Variants in FBXO11 observed in about 807,000 individuals in gnomAD.
FBXO11 encodes F-box protein 11.
In FBXO11, 13 loss-of-function variants were observed where a neutral mutation model predicts 117.0. The observed-to-expected ratio is 0.11, with a 90% confidence interval of 0.07 to 0.18. The LOEUF (loss-of-function observed/expected upper bound fraction) is 0.18, where lower values mean the gene tolerates loss of function less well. Ranked by LOEUF, FBXO11 falls within the 10% of genes least tolerant of loss-of-function variation. The pLI, the probability that FBXO11 is intolerant of heterozygous loss-of-function variation, is 1.00. For missense variants in FBXO11, 767 were observed against 1,164.4 expected (o/e 0.66, Z 4.97); for synonymous variants, 490 against 380.5 (o/e 1.29, Z -3.35).
intron 19 of FBXO11, 99 bp downstream of exon 19, chr2:47,810,217 G>T: frequency 2.7e-6 from 2 of 743,084 alleles, no homozygotes; most frequent in Non-Finnish European, 4.2e-6. Context: ...AGCACACTTT[G>T]CACATTTTAG....
intron 1 of FBXO11, among the ~76,000 whole-genome samples, chr2:47,870,269 T>C (rs1558459678): frequency 6.6e-6 from 1 of 152,218 alleles, no homozygotes. Context: ...TCTTAAGTTT[T>C]CTGCTCTGTA....
chr2:47,902,349 G>A (rs758378467), intron 1 of FBXO11, among the ~76,000 whole-genome samples: 1 of 152,170 alleles, frequency 6.6e-6, no homozygotes, highest in Non-Finnish European at 1.5e-5. Flanking sequence ...TTCAGCTAAC[G>A]AGTGAACACA....
intron 11 of FBXO11, among the ~76,000 whole-genome samples, chr2:47,826,385 A>T (rs1162003836): frequency 6.6e-6 from 1 of 152,146 alleles, no homozygotes; most frequent in African/African-American, 2.4e-5. Context: ...GGCAAATAGC[A>T]GCCCTCTCCC....
At chr2:47,841,702 G>A (rs991824785) in intron 1 of FBXO11, among the ~76,000 whole-genome samples, 5 of 152,012 alleles carry the variant, frequency 3.3e-5, no homozygotes, top group African/African-American at 1.2e-4. Context: ...GTGCAGTGGC[G>A]TGATCTCAGC....
intron 14 of FBXO11, among the ~76,000 whole-genome samples, chr2:47,819,510 G>A (rs1044126820): frequency 6.6e-5 from 10 of 152,064 alleles, no homozygotes; most frequent in African/African-American, 9.7e-5. Context: ...CACCGCGCCC[G>A]GCCAACATTC....
chr2:47,871,323 T>C (rs752381601), intron 1 of FBXO11, among the ~76,000 whole-genome samples: 4 of 152,202 alleles, frequency 2.6e-5, no homozygotes, highest in Non-Finnish European at 5.9e-5. Flanking sequence ...CTGAAGCCTC[T>C]TGCCAACAGC....
At chr2:47,834,026 T>G (rs997908748) in intron 7 of FBXO11, among the ~76,000 whole-genome samples, 17 of 152,266 alleles carry the variant, frequency 1.1e-4, no homozygotes, top group African/African-American at 4.1e-4. Flanking sequence ...AATGAATAAC[T>G]CAAGGCAAAT....
At chr2:47,834,280 G>A (rs1169021415) in intron 7 of FBXO11, among the ~76,000 whole-genome samples, 3 of 152,036 alleles carry the variant, frequency 2.0e-5, no homozygotes, top group Non-Finnish European at 4.4e-5. Context: ...AACCCAGGAG[G>A]CAGAGGTTAC....
At chr2:47,856,589 C>G (rs1674313202) in intron 1 of FBXO11, among the ~76,000 whole-genome samples, 1 of 152,186 alleles carries the variant, frequency 6.6e-6, no homozygotes, top group South Asian at 2.1e-4. Context: ...TCCATCAAAA[C>G]AGCTAGAAAT....
chr2:47,813,207 T>C, intron 18 of FBXO11, 27 bp downstream of exon 18: 1 of 1,607,778 alleles, frequency 6.2e-7, no homozygotes, highest in South Asian at 1.1e-5. Context: ...ACTGGATTTT[T>C]CACTAATGCA....
intron 1 of FBXO11, among the ~76,000 whole-genome samples, chr2:47,846,804 C>A (rs1673450849): frequency 6.6e-6 from 1 of 152,064 alleles, no homozygotes; most frequent in African/African-American, 2.4e-5. Flanking sequence ...CATACTAAAT[C>A]TTTGAAAATA....
At chr2:47,887,451 G>C (rs549019572) in intron 1 of FBXO11, among the ~76,000 whole-genome samples, 1 of 151,992 alleles carries the variant, frequency 6.6e-6, no homozygotes, top group South Asian at 2.1e-4. Flanking sequence ...TCTATGTCCC[G>C]TGCCAGTGGC....
chr2:47,858,382 A>C (rs1281188640), intron 1 of FBXO11, among the ~76,000 whole-genome samples: 2 of 151,886 alleles, frequency 1.3e-5, no homozygotes, highest in Admixed American at 6.6e-5. Flanking sequence ...ATGAGTACTT[A>C]ATGAAAAACA....
chr2:47,890,782 C>T (rs942290597), intron 1 of FBXO11, among the ~76,000 whole-genome samples: 5 of 150,922 alleles, frequency 3.3e-5, no homozygotes, highest in Admixed American at 1.3e-4. Flanking sequence ...CCAGTCTGGG[C>T]GACAGAGCGA....
At chr2:47,860,598 G>A (rs926087750) in intron 1 of FBXO11, among the ~76,000 whole-genome samples, 1 of 151,526 alleles carries the variant, frequency 6.6e-6, no homozygotes. Flanking sequence ...GTAGAGACAG[G>A]GTTTCACTGT....
At chr2:47,860,846 T>G (rs1256423925) in intron 1 of FBXO11, among the ~76,000 whole-genome samples, 1 of 125,436 alleles carries the variant, frequency 8.0e-6, no homozygotes, top group Admixed American at 7.5e-5. Flanking sequence ...TTCCCCTATT[T>G]TTTTTTTTTT....
chr2:47,894,051 C>T (rs899281408), intron 1 of FBXO11, among the ~76,000 whole-genome samples: 1 of 152,162 alleles, frequency 6.6e-6, no homozygotes, highest in African/African-American at 2.4e-5. Context: ...TCATCAATTT[C>T]AATCAAGTAG....
At chr2:47,828,770 G>A (rs1052908679) in intron 11 of FBXO11, among the ~76,000 whole-genome samples, 1 of 152,162 alleles carries the variant, frequency 6.6e-6, no homozygotes, top group Non-Finnish European at 1.5e-5. Flanking sequence ...TAAGAAAGAG[G>A]AGGGTGCTGG....
intron 16 of FBXO11, among the ~76,000 whole-genome samples, chr2:47,814,602 C>G (rs755323252): frequency 1.1e-4 from 17 of 152,054 alleles, no homozygotes; most frequent in Non-Finnish European, 1.8e-4. Context: ...TGTTCTCAAA[C>G]TCCTGGGCTC....
Sources: allele counts gnomAD v4.1 joint callset (sites outside exome capture counted in the v4.1 genomes callset), GRCh38; gene constraint gnomAD v4.1.1; transcripts MANE v1.5; gene names NCBI Gene and HGNC (gene_info 2026-07-23, HGNC 2026-07-21).